The following L3MBTL4 variants were observed in gnomAD, a reference collection of about 807,000 sequenced individuals.
The protein encoded by L3MBTL4 is L3MBTL histone methyl-lysine binding protein 4.
A neutral mutation model predicts 84.5 loss-of-function variants in L3MBTL4; 70 were observed. The observed-to-expected ratio is 0.83, with a 90% CI of 0.68 to 1.01. The LOEUF (loss-of-function observed/expected upper bound fraction) is 1.01. L3MBTL4 is among the 50% of genes least tolerant of loss of function. The pLI is 0.00. For missense variants in L3MBTL4, 715 were observed against 754.8 expected (o/e 0.95, Z 0.62); for synonymous variants, 274 against 259.8 (o/e 1.05, Z -0.52).
At chr18:6,267,108 T>C (rs2048668864) in intron 4 of L3MBTL4, among the ~76,000 whole-genome samples, 1 of 152,118 alleles carries the variant, frequency 6.6e-6, no homozygotes. Flanking sequence ...GCTACCCATA[T>C]ATGTTATTGA....
At chr18:6,245,743 C>A (rs1438675741) in intron 5 of L3MBTL4, among the ~76,000 whole-genome samples, 3 of 151,970 alleles carry the variant, frequency 2.0e-5, no homozygotes, top group Non-Finnish European at 4.4e-5. Context: ...GTGTGCACCA[C>A]TACGGCCTGG....
At chr18:6,149,557 T>C (rs1000012856) in intron 13 of L3MBTL4, among the ~76,000 whole-genome samples, 2 of 152,082 alleles carry the variant, frequency 1.3e-5, no homozygotes, top group African/African-American at 4.8e-5. Flanking sequence ...CCTTTGGGTA[T>C]ATACCCAGTA....
chr18:6,365,853 C>A (rs563496683), intron 1 of L3MBTL4, among the ~76,000 whole-genome samples: 54 of 152,092 alleles, frequency 3.6e-4, no homozygotes, highest in Non-Finnish European at 5.3e-4. Flanking sequence ...ATAATAATTA[C>A]CTAAGCTGAA....
intron 6 of L3MBTL4, 63 bp from the exon 7 acceptor site, chr18:6,243,492 T>C: frequency 1.5e-6 from 2 of 1,361,210 alleles, no homozygotes; most frequent in Non-Finnish European, 2.0e-6. Flanking sequence ...GACACAAAAT[T>C]CACAAAATAT....
chr18:6,224,558 C>G (rs529048293), intron 10 of L3MBTL4, among the ~76,000 whole-genome samples: 2 of 152,280 alleles, frequency 1.3e-5, no homozygotes, highest in South Asian at 2.1e-4. Context: ...ATCTTAGGCG[C>G]TAATGAAACC....
At position 6,028,019 on chromosome 18, in the gene L3MBTL4, G is replaced by A. The variant is rs188296188; in HGVS notation, c.1444+52862C>T. ...CACTCTGATGATAATTTCTTGCATT[G>A]TGCAGAAGCTCTTTTGTTTGACTAG... On this transcript the variant is annotated intron_variant, in intron 16 of 18. Coordinates refer to ENST00000317931, the MANE Select transcript of L3MBTL4 (RefSeq NM_001330559.2). 3.5e-3 allele frequency among the ~76,000 whole-genome samples: 540 copies of A among 152,200 alleles called. 5 individuals carry two copies. The highest frequency in any genetic ancestry group is 0.012 in the African/African-American group (517 of 41,518).
chr18:6,188,674 G>A (rs933111659), intron 12 of L3MBTL4, among the ~76,000 whole-genome samples: 9 of 152,212 alleles, frequency 5.9e-5, no homozygotes, highest in African/African-American at 2.2e-4. Flanking sequence ...GGAAGACACA[G>A]CCAGTGCAGT....
chr18:6,250,067 G>T (rs2047856755), intron 5 of L3MBTL4, among the ~76,000 whole-genome samples: 1 of 152,202 alleles, frequency 6.6e-6, no homozygotes, highest in South Asian at 2.1e-4. Flanking sequence ...TTCCAAAGAA[G>T]CGCCAGTGCT....
intron 4 of L3MBTL4, among the ~76,000 whole-genome samples, chr18:6,264,838 G>A (rs962816893): frequency 3.3e-5 from 5 of 152,226 alleles, no homozygotes; most frequent in Non-Finnish European, 5.9e-5. Flanking sequence ...CTAGGAATTT[G>A]TCTTAATGCA....
intron 16 of L3MBTL4, among the ~76,000 whole-genome samples, chr18:6,019,381 G>A (rs987621059): frequency 1.3e-5 from 2 of 152,168 alleles, no homozygotes; most frequent in African/African-American, 4.8e-5. Context: ...GTTTAATGGA[G>A]GCAAATGATA....
At chr18:6,250,735 T>C (rs2146235858) in intron 5 of L3MBTL4, among the ~76,000 whole-genome samples, 1 of 152,340 alleles carries the variant, frequency 6.6e-6, no homozygotes, top group South Asian at 2.1e-4. Flanking sequence ...CACTGATTTC[T>C]AAACCTTCAC....
chr18:6,006,544 T>A (rs1343650380), intron 16 of L3MBTL4, among the ~76,000 whole-genome samples: 1 of 152,118 alleles, frequency 6.6e-6, no homozygotes, highest in Non-Finnish European at 1.5e-5. Context: ...AAAACTGGCA[T>A]ACAAATTTAG....
At chr18:6,282,325 G>A (rs1163325034) in intron 4 of L3MBTL4, among the ~76,000 whole-genome samples, 4 of 152,214 alleles carry the variant, frequency 2.6e-5, no homozygotes, top group Admixed American at 6.5e-5. Context: ...ACAAGGCCAT[G>A]AGAGCACAGA....
intron 14 of L3MBTL4, among the ~76,000 whole-genome samples, chr18:6,099,890 A>G (rs1344904636): frequency 6.6e-6 from 1 of 151,986 alleles, no homozygotes; most frequent in East Asian, 1.9e-4. Context: ...AATGAGTTCA[A>G]AGAGTTGGAT....
At chr18:6,051,427 T>C (rs151017041) in intron 16 of L3MBTL4, among the ~76,000 whole-genome samples, 48 of 152,116 alleles carry the variant, frequency 3.2e-4, no homozygotes, top group African/African-American at 1.1e-3. Flanking sequence ...TAATCCCAGC[T>C]ACTCAGGAGG....
At chr18:5,961,483 G>C (rs576643728) in intron 17 of L3MBTL4, among the ~76,000 whole-genome samples, 18 of 152,298 alleles carry the variant, frequency 1.2e-4, no homozygotes, top group African/African-American at 4.1e-4. Context: ...TTTTAGGGGT[G>C]ATCAGCATGT....
chr18:5,962,012 T>A (rs899819711), intron 17 of L3MBTL4, among the ~76,000 whole-genome samples: 4 of 152,134 alleles, frequency 2.6e-5, no homozygotes, highest in African/African-American at 9.7e-5. Flanking sequence ...CAACCCTGTC[T>A]ATGTGTGAGG....
intron 1 of L3MBTL4, among the ~76,000 whole-genome samples, chr18:6,391,752 A>AACTACTACTACTACTGCTACT (rs1555755528): frequency 5.0e-4 from 75 of 150,114 alleles, no homozygotes; most frequent in Admixed American, 7.3e-4. Context: ...CAACAACAAC[A>AACTACTACTACTACTGCTACT]ACTACTACTA....
chr18:6,079,427 G>A (rs557576669), intron 16 of L3MBTL4, among the ~76,000 whole-genome samples: 1 of 152,292 alleles, frequency 6.6e-6, no homozygotes, highest in Admixed American at 6.5e-5. Flanking sequence ...AAATTAAAGA[G>A]CACAGTAAAT....
Sources: allele counts gnomAD v4.1 joint callset (sites outside exome capture counted in the v4.1 genomes callset), GRCh38; gene constraint gnomAD v4.1.1; transcripts MANE v1.5; gene names NCBI Gene and HGNC (gene_info 2026-07-23, HGNC 2026-07-21).